Variants in SLC39A11 observed in about 807,000 individuals in gnomAD.
SLC39A11 encodes zinc transporter ZIP11.
SLC39A11 carries 33 observed loss-of-function variants against 36.1 expected under a neutral mutation model. The ratio of observed to expected loss-of-function variants is 0.91; its 90% CI spans 0.69 to 1.22. The LOEUF (loss-of-function observed/expected upper bound fraction) is 1.22, where lower values mean the gene tolerates loss of function less well. Ranked by LOEUF, SLC39A11 falls within the 50% of genes most tolerant of loss-of-function variation. SLC39A11 has a pLI of 0.00. For synonymous variants in SLC39A11, 166 were observed against 170.3 expected, an observed-to-expected ratio of 0.97 and a Z score of 0.20; for missense variants, 432 against 430.3, an observed-to-expected ratio of 1.00 and a Z score of -0.03.
chr17:73,077,768 C>T (rs913840760), intron 3 of SLC39A11, among the ~76,000 whole-genome samples: 1 of 152,112 alleles, frequency 6.6e-6, no homozygotes, highest in African/African-American at 2.4e-5. Flanking sequence ...AACACACTGG[C>T]CTTGTGATTT....
Position 73,005,659 on chromosome 17 carries a change from CT to C in SLC39A11, c.306+25896del, listed in dbSNP as rs564225032. Among the ~76,000 whole-genome samples the C allele has an allele frequency of 5.9e-5, 9 of 152,334 alleles. No individual in the cohort carries two copies. In the East Asian group the frequency reaches 1.7e-3, roughly 29 times the overall value. ...CGTGAGTCTGTGATCACATCACCACCTGAGTGACCTCAGCCATGGTGGCTCA... is the reference window on the plus strand; with the variant it reads ...CGTGAGTCTGTGATCACATCACCACCGAGTGACCTCAGCCATGGTGGCTCA... On this transcript the variant is annotated intron_variant, in intron 4 of 9. Coordinates refer to ENST00000255559, the MANE Select transcript of SLC39A11 (RefSeq NM_139177.4).
chr17:72,985,890 C>G (rs2088707199), intron 4 of SLC39A11, among the ~76,000 whole-genome samples: 1 of 152,106 alleles, frequency 6.6e-6, no homozygotes, highest in Admixed American at 6.5e-5. Flanking sequence ...GGGCAGGTCC[C>G]AATTCAATAT....
chr17:72,670,439 G>A (rs2070976127), intron 7 of SLC39A11, among the ~76,000 whole-genome samples: 1 of 151,648 alleles, frequency 6.6e-6, no homozygotes, highest in Non-Finnish European at 1.5e-5. Context: ...GTTCTCATTG[G>A]TGGATCTTGC....
At chr17:72,976,030 C>T (rs936038544) in intron 4 of SLC39A11, among the ~76,000 whole-genome samples, 22 of 151,644 alleles carry the variant, frequency 1.5e-4, no homozygotes, top group African/African-American at 3.9e-4. Flanking sequence ...ATTAGCCGGG[C>T]GTGGTGGCGG....
intron 4 of SLC39A11, among the ~76,000 whole-genome samples, chr17:73,017,126 A>G (rs1251359227): frequency 2.6e-5 from 4 of 152,322 alleles, no homozygotes; most frequent in Middle Eastern, 6.8e-3. Context: ...GCAGAGAGAA[A>G]CGAGGGGGAA....
At chr17:72,669,334 G>A (rs144356363) in intron 7 of SLC39A11, among the ~76,000 whole-genome samples, 5 of 152,270 alleles carry the variant, frequency 3.3e-5, no homozygotes, top group African/African-American at 1.2e-4. Context: ...TCAGGATCCA[G>A]TGTGGGATCC....
Position 72,769,679 on chromosome 17 carries a change from C to T in SLC39A11, c.602-32960G>A, listed in dbSNP as rs138688860. The stretch of plus-strand genomic sequence containing the variant: ...CCTGTCTCAGCCTCCCGATTAGCTG[C>T]GACTACAGGTGCGTGCCACCACACC... On this transcript the variant is annotated intron_variant, in intron 6 of 9. Coordinates refer to ENST00000255559, the MANE Select transcript of SLC39A11 (RefSeq NM_139177.4). 6.7e-3 allele frequency among the ~76,000 whole-genome samples: 1,017 copies of T among 152,022 alleles called. 11 individuals carry two copies. Among genetic ancestry groups the T allele is most frequent in the African/African-American group, 0.023 (941 of 41,470 alleles).
chr17:72,985,146 G>A (rs1034419217), intron 4 of SLC39A11, among the ~76,000 whole-genome samples: 10 of 152,176 alleles, frequency 6.6e-5, no homozygotes, highest in African/African-American at 2.4e-4. Context: ...ACTCCACAAG[G>A]CACCAGGTAC....
chr17:72,843,687 T>C (rs188252089), intron 6 of SLC39A11, among the ~76,000 whole-genome samples: 6 of 152,306 alleles, frequency 3.9e-5, no homozygotes, highest in Admixed American at 3.3e-4. Flanking sequence ...GTTTCTAAGC[T>C]ACCCATTGTA....
At chr17:72,886,065 C>T (rs535135841) in intron 5 of SLC39A11, among the ~76,000 whole-genome samples, 1 of 152,162 alleles carries the variant, frequency 6.6e-6, no homozygotes, top group Non-Finnish European at 1.5e-5. Context: ...TCCAAGAAAC[C>T]TTTCTCCCCC....
At chr17:73,070,257 G>A (rs1314056797) in intron 3 of SLC39A11, among the ~76,000 whole-genome samples, 1 of 152,176 alleles carries the variant, frequency 6.6e-6, no homozygotes, top group East Asian at 1.9e-4. Context: ...GAACCTGAAA[G>A]TATGACAAAT....
chr17:72,718,777 T>C (rs896562201), intron 7 of SLC39A11, among the ~76,000 whole-genome samples: 19 of 152,206 alleles, frequency 1.2e-4, no homozygotes, highest in African/African-American at 4.3e-4. Flanking sequence ...GCTTTCTTGA[T>C]TGTTCCATGA....
At chr17:72,665,949 C>A (rs1009294603) in intron 7 of SLC39A11, among the ~76,000 whole-genome samples, 2 of 152,134 alleles carry the variant, frequency 1.3e-5, no homozygotes, top group African/African-American at 4.8e-5. Flanking sequence ...ACTGATTTAT[C>A]CCAAGCACAT....
chr17:73,003,708 T>C (rs1016814870), intron 4 of SLC39A11, among the ~76,000 whole-genome samples: 2 of 152,122 alleles, frequency 1.3e-5, no homozygotes, highest in African/African-American at 4.8e-5. Flanking sequence ...CATCAACCAA[T>C]GCAAGGGACA....
chr17:72,821,997 C>G (rs980101359), intron 6 of SLC39A11: 4 of 151,328 alleles, frequency 2.6e-5, no homozygotes, highest in African/African-American at 9.7e-5. Context: ...TTCTGGCAAG[C>G]AGGTCTCCTG....
In SLC39A11 at chr17:72,967,799, G is replaced by A. The variant is rs148269196; in HGVS notation, c.307-19924C>T. On this transcript the variant is annotated intron_variant, in intron 4 of 9. Coordinates refer to ENST00000255559, the MANE Select transcript of SLC39A11 (RefSeq NM_139177.4). ...CAGCCTCAGATTAATGTTGAGAGCC[G>A]CTGGAGAGCTCATCACTGCCAGGAC... Among the ~76,000 whole-genome samples, 236 of 152,224 alleles carry A rather than the reference G, an allele frequency of 1.6e-3. 3 individuals carry two copies. Among genetic ancestry groups the A allele is most frequent in the African/African-American group, 5.4e-3 (226 of 41,530 alleles).
chr17:72,718,888 C>T (rs2073525393), intron 7 of SLC39A11, among the ~76,000 whole-genome samples: 1 of 152,082 alleles, frequency 6.6e-6, no homozygotes, highest in South Asian at 2.1e-4. Flanking sequence ...CCTCAGCCTC[C>T]CAAGTAGCTG....
chr17:72,941,145 C>T (rs775764409), intron 5 of SLC39A11, among the ~76,000 whole-genome samples: 2 of 152,018 alleles, frequency 1.3e-5, no homozygotes, highest in Admixed American at 6.6e-5. Flanking sequence ...TGGTGGCGCA[C>T]TCCTGTAGTC....
chr17:72,676,961 G>A (rs1001768650), intron 7 of SLC39A11, among the ~76,000 whole-genome samples: 7 of 152,168 alleles, frequency 4.6e-5, no homozygotes, highest in Admixed American at 3.3e-4. Context: ...GGTGGTTTCC[G>A]GACTTTTCCC....
Sources: allele counts gnomAD v4.1 joint callset (sites outside exome capture counted in the v4.1 genomes callset), GRCh38; gene constraint gnomAD v4.1.1; transcripts MANE v1.5; gene names NCBI Gene and HGNC (gene_info 2026-07-23, HGNC 2026-07-21).